Variants in AP4S1 observed in about 807,000 individuals in gnomAD.
AP4S1 encodes the protein AP-4 complex subunit sigma-1.
Under a neutral mutation model 19.8 loss-of-function variants are expected in AP4S1, and 23 were observed. That is an observed-to-expected ratio of 1.16 (90% confidence interval 0.84 to 1.65). AP4S1 has a LOEUF of 1.65. Among genes scored for constraint, AP4S1 ranks in the 40% most tolerant of loss-of-function variants. The probability of loss-of-function intolerance (pLI) is 0.00; values close to 1 mark genes in which losing one functional copy is unlikely to be tolerated. For synonymous variants in AP4S1, 46 were observed against 54.1 expected (o/e 0.85, Z 0.66); for missense variants, 166 against 172.8 (o/e 0.96, Z 0.22).
chr14:31,071,925 T>TG (rs1351459270), intron 3 of AP4S1, among the ~76,000 whole-genome samples: 1 of 150,070 alleles, frequency 6.7e-6, no homozygotes, highest in Non-Finnish European at 1.5e-5. Context: ...TTATTTGATT[T>TG]TTTTTGGGGG....
Position 31,093,255 on chromosome 14 carries a change from A to T in AP4S1, c.*220A>T, listed in dbSNP as rs1888124119. Reference sequence around the variant, plus strand: ...AAAAAATTTCTTTAAACTGAGAGAGAAGTTTTATTTTCTAATTGTAAACAT... The same window carrying T: ...AAAAAATTTCTTTAAACTGAGAGAGTAGTTTTATTTTCTAATTGTAAACAT... On this transcript the variant is annotated 3_prime_UTR_variant, in exon 6 of 6. Coordinates refer to ENST00000542754, the MANE Select transcript of AP4S1 (RefSeq NM_001128126.3). 1 of 386,606 alleles carries T rather than the reference A, an allele frequency of 2.6e-6. No individual in the cohort carries two copies. The highest frequency in any genetic ancestry group is 4.5e-6 in the Non-Finnish European group (1 of 221,348). 23.9% of individuals were successfully genotyped at this position (386,606 alleles called of 1,614,324 possible). A position where few individuals can be genotyped will look rare whatever the true frequency, so the allele number is the denominator to read the frequency against.
intron 4 of AP4S1, among the ~76,000 whole-genome samples, chr14:31,075,322 C>CT (rs1251236066): frequency 1.3e-5 from 2 of 152,142 alleles, no homozygotes; most frequent in Non-Finnish European, 1.5e-5. Context: ...ACATAATGAC[C>CT]TTCAGTTCCA....
intron 5 of AP4S1, among the ~76,000 whole-genome samples, chr14:31,088,714 G>A (rs906802585): frequency 7.3e-5 from 11 of 151,418 alleles, no homozygotes; most frequent in South Asian, 4.2e-4. Context: ...AGGCTGAGGC[G>A]GGAGGATCGC....
chr14:31,060,893 T>C (rs1886399653), intron 1 of AP4S1, among the ~76,000 whole-genome samples: 1 of 152,024 alleles, frequency 6.6e-6, no homozygotes, highest in South Asian at 2.1e-4. Context: ...GACTCCACTT[T>C]TTTTTTTTCT....
chr14:31,060,628 C>G (rs1886384734), intron 1 of AP4S1, among the ~76,000 whole-genome samples: 1 of 152,130 alleles, frequency 6.6e-6, no homozygotes, highest in Non-Finnish European at 1.5e-5. Context: ...AGGCAAAATC[C>G]CCAAAGAAAA....
chr14:31,032,304 G>A (rs893742851), intron 1 of AP4S1, among the ~76,000 whole-genome samples: 6 of 152,016 alleles, frequency 3.9e-5, no homozygotes, highest in African/African-American at 1.2e-4. Flanking sequence ...GACACCGTAT[G>A]CTTATTCTAT....
intron 1 of AP4S1, among the ~76,000 whole-genome samples, chr14:31,061,940 G>T (rs567240155): frequency 6.6e-6 from 1 of 152,096 alleles, no homozygotes; most frequent in South Asian, 2.1e-4. Flanking sequence ...CACCACACCT[G>T]GCTGTAAAAT....
intron 1 of AP4S1, among the ~76,000 whole-genome samples, chr14:31,054,931 A>G (rs1168644015): frequency 1.3e-5 from 2 of 148,192 alleles, no homozygotes; most frequent in Non-Finnish European, 3.0e-5. Flanking sequence ...TGTGCCTTTG[A>G]CATGATATGA....
rs749920998 is a variant in AP4S1, at chr14:31,084,852, A to T, written c.306+4268A>T. On this transcript the variant is annotated intron_variant, in intron 5 of 5. Coordinates refer to ENST00000542754, the MANE Select transcript of AP4S1 (RefSeq NM_001128126.3). ...TTTCTCCAGACAGTTCATCATTCAA[A>T]GGAGCTGCCTCCACCACCCCCATCT... The T allele has an allele frequency of 2.5e-6, 4 of 1,614,232 alleles. No homozygotes were observed. In the Admixed American group the frequency reaches 6.7e-5, roughly 27 times the overall value.
At chr14:31,033,308 T>G (rs1884521293) in intron 1 of AP4S1, among the ~76,000 whole-genome samples, 1 of 151,984 alleles carries the variant, frequency 6.6e-6, no homozygotes. Context: ...CTGCCTCCCG[T>G]GTTCAAACAA....
At chr14:31,082,832 C>G (rs1457825372) in intron 5 of AP4S1, among the ~76,000 whole-genome samples, 2 of 150,734 alleles carry the variant, frequency 1.3e-5, no homozygotes, top group African/African-American at 4.9e-5. Flanking sequence ...GGAGGCGGAG[C>G]TTGCAGTGAG....
Position 31,032,403 on chromosome 14 carries a change from C to T in AP4S1, c.-72+6616C>T, listed in dbSNP as rs28399181. The stretch of plus-strand genomic sequence containing the variant: ...AGGAATTCCAGGCTTTTAAATAAAT[C>T]AGAAGTAGATAAAACTCAAATGTCT... On this transcript the variant is annotated intron_variant, in intron 1 of 5. Coordinates refer to ENST00000542754, the MANE Select transcript of AP4S1 (RefSeq NM_001128126.3). Among the ~76,000 whole-genome samples, 975 of 152,160 alleles carry T rather than the reference C, an allele frequency of 6.4e-3. 12 individuals carry two copies. The highest frequency in any genetic ancestry group is 0.022 in the African/African-American group (927 of 41,512).
At chr14:31,092,684 C>T (rs6571391) in intron 5 of AP4S1, among the ~76,000 whole-genome samples, 48,653 of 151,988 alleles carry the variant, frequency 0.32, 8,489 homozygotes, top group African/African-American at 0.47. Flanking sequence ...CATTTTTATC[C>T]CTACTTATCC....
At chr14:31,061,453 T>A (rs925846366) in intron 1 of AP4S1, among the ~76,000 whole-genome samples, 25 of 152,176 alleles carry the variant, frequency 1.6e-4, no homozygotes, top group African/African-American at 6.0e-4. Flanking sequence ...GCCGAGCATT[T>A]AGCAAACTGA....
chr14:31,049,251 A>C (rs1160967194), intron 1 of AP4S1, among the ~76,000 whole-genome samples: 2 of 150,598 alleles, frequency 1.3e-5, no homozygotes, highest in Non-Finnish European at 3.0e-5. Context: ...GTCTCTACTA[A>C]AAAATACAAA....
intron 5 of AP4S1, 179 bp downstream of exon 5, chr14:31,080,763 C>T: frequency 1.2e-6 from 1 of 827,828 alleles, no homozygotes; most frequent in South Asian, 1.4e-5. Flanking sequence ...ACTTCGTCAC[C>T]CTGCTTCAAC....
chr14:31,025,832 G>C (rs957888219), intron 1 of AP4S1, 45 bp downstream of exon 1: 3 of 1,539,850 alleles, frequency 1.9e-6, no homozygotes, highest in Non-Finnish European at 2.6e-6. Context: ...CGGCTGAGTG[G>C]AGTCCCCAGC....
intron 4 of AP4S1, among the ~76,000 whole-genome samples, chr14:31,074,343 A>G (rs1887229129): frequency 1.4e-5 from 2 of 146,546 alleles, no homozygotes; most frequent in Admixed American, 1.4e-4. Flanking sequence ...AAATAAATAA[A>G]TAAATAAATA....
intron 1 of AP4S1, among the ~76,000 whole-genome samples, chr14:31,050,419 TG>T (rs1178032304): frequency 1.3e-5 from 2 of 152,180 alleles, no homozygotes; most frequent in African/African-American, 4.8e-5. Flanking sequence ...CACTTTAATA[TG>T]AATACTTATA....
Sources: allele counts gnomAD v4.1 joint callset (sites outside exome capture counted in the v4.1 genomes callset), GRCh38; gene constraint gnomAD v4.1.1; transcripts MANE v1.5; gene names NCBI Gene and HGNC (gene_info 2026-07-23, HGNC 2026-07-21).